ARID5B: variants seen among roughly 807,000 people sequenced by gnomAD.
ARID5B encodes AT-rich interaction domain 5B.
ARID5B carries 13 observed loss-of-function variants against 97.2 expected under a neutral mutation model. The ratio of observed to expected loss-of-function variants is 0.13; its 90% CI spans 0.09 to 0.21. ARID5B has a LOEUF of 0.21. Ranked by LOEUF, ARID5B falls within the 10% of genes least tolerant of loss-of-function variation. The pLI is 1.00. For synonymous variants in ARID5B, 556 were observed against 570.3 expected (o/e 0.97, Z 0.36); for missense variants, 1,210 against 1,465.3 (o/e 0.83, Z 2.84).
Position 61,940,172 on chromosome 10 carries a change from A to G in ARID5B, c.277-11A>G, listed in dbSNP as rs1216025412. ...TAACGTTTTTTGTTCTTCCCCAACC[A>G]CCTCTTGTAGGATGAAGTCATTGCT... On this transcript the variant is annotated splice_polypyrimidine_tract_variant and intron_variant, in intron 2 of 9. Coordinates refer to ENST00000279873, the MANE Select transcript of ARID5B (RefSeq NM_032199.3). 1 of 1,613,482 alleles carries G rather than the reference A, an allele frequency of 6.2e-7. No individual in the cohort carries two copies. The highest frequency in any genetic ancestry group is 1.1e-5 in the South Asian group (1 of 91,064).
chr10:61,979,862 T>A (rs1366360116), intron 3 of ARID5B, among the ~76,000 whole-genome samples: 2 of 152,044 alleles, frequency 1.3e-5, no homozygotes, highest in East Asian at 3.9e-4. Flanking sequence ...GAGGCCAAGG[T>A]AGGCGTATCA....
chr10:61,958,047 G>A (rs954746615), intron 3 of ARID5B, among the ~76,000 whole-genome samples: 1 of 152,098 alleles, frequency 6.6e-6, no homozygotes, highest in African/African-American at 2.4e-5. Context: ...GAGGGTTTCT[G>A]GTTTTCATGC....
chr10:61,914,838 A>G (rs925613557), intron 2 of ARID5B, among the ~76,000 whole-genome samples: 1 of 152,230 alleles, frequency 6.6e-6, no homozygotes, highest in Admixed American at 6.5e-5. Context: ...AGCTGAGGCC[A>G]ACAGAGGTTA....
chr10:61,908,168 T>A (rs187000112), intron 2 of ARID5B, among the ~76,000 whole-genome samples: 1 of 152,366 alleles, frequency 6.6e-6, no homozygotes, highest in Non-Finnish European at 1.5e-5. Flanking sequence ...GAGCGAAACT[T>A]TAGCCAATAT....
At chr10:61,965,172 G>A (rs1838526750) in intron 3 of ARID5B, among the ~76,000 whole-genome samples, 1 of 152,138 alleles carries the variant, frequency 6.6e-6, no homozygotes, top group African/African-American at 2.4e-5. Context: ...AGCTGTTACA[G>A]TCCAAAGGGG....
intron 3 of ARID5B, among the ~76,000 whole-genome samples, chr10:61,964,091 G>A (rs148354280): frequency 6.6e-6 from 1 of 152,068 alleles, no homozygotes; most frequent in Admixed American, 6.6e-5. Flanking sequence ...AGTGGGGAGA[G>A]AATCAACACA....
At chr10:61,979,409 G>A (rs73274347) in intron 3 of ARID5B, among the ~76,000 whole-genome samples, 2,446 of 151,762 alleles carry the variant, frequency 0.016, 58 homozygotes, top group African/African-American at 0.051. Context: ...CATGTAGATC[G>A]TAGGAAGGAT....
intron 3 of ARID5B, among the ~76,000 whole-genome samples, chr10:61,953,386 G>A (rs1158464242): frequency 1.3e-5 from 2 of 152,052 alleles, no homozygotes; most frequent in African/African-American, 2.4e-5. Context: ...TAACTATCAC[G>A]TGATGGCTGT....
chr10:62,066,346 G>A (rs750629702), intron 7 of ARID5B, among the ~76,000 whole-genome samples: 2 of 152,162 alleles, frequency 1.3e-5, no homozygotes, highest in Non-Finnish European at 2.9e-5. Context: ...GTGCCTAGGA[G>A]ACCTGTGTAC....
At chr10:61,904,899 T>G (rs898455850) in intron 2 of ARID5B, among the ~76,000 whole-genome samples, 1 of 152,228 alleles carries the variant, frequency 6.6e-6, no homozygotes, top group Admixed American at 6.5e-5. Context: ...GTGATGTCAT[T>G]TCCCCCCTGG....
At chr10:62,083,048 TAC>T (rs367825532) in intron 8 of ARID5B, among the ~76,000 whole-genome samples, 11 of 151,120 alleles carry the variant, frequency 7.3e-5, no homozygotes, top group Non-Finnish European at 1.3e-4. Context: ...GGTTGACCTT[TAC>T]ACACACACAC....
intron 8 of ARID5B, among the ~76,000 whole-genome samples, chr10:62,077,532 A>G (rs1033325104): frequency 7.2e-5 from 5 of 69,252 alleles, no homozygotes; most frequent in Admixed American, 5.7e-4. Context: ...ACCCCCCCCA[A>G]AAAAAAAGCT....
At chr10:62,012,165 A>G (rs567770769) in intron 4 of ARID5B, among the ~76,000 whole-genome samples, 8 of 152,130 alleles carry the variant, frequency 5.3e-5, no homozygotes, top group Non-Finnish European at 8.8e-5. Flanking sequence ...TAAGCCCTTT[A>G]TATACATTAT....
intron 2 of ARID5B, among the ~76,000 whole-genome samples, chr10:61,923,372 C>T (rs1844049967): frequency 6.6e-6 from 1 of 152,204 alleles, no homozygotes; most frequent in Non-Finnish European, 1.5e-5. Context: ...CTCTTCTCGT[C>T]CTTTTGCATC....
chr10:62,010,944 T>A (rs1023075840), intron 4 of ARID5B, among the ~76,000 whole-genome samples: 1 of 152,206 alleles, frequency 6.6e-6, no homozygotes, highest in Non-Finnish European at 1.5e-5. Context: ...GTCAGGAATA[T>A]AATATAGATC....
At chr10:61,973,722 A>G (rs1838662140) in intron 3 of ARID5B, among the ~76,000 whole-genome samples, 1 of 152,236 alleles carries the variant, frequency 6.6e-6, no homozygotes, top group African/African-American at 2.4e-5. Context: ...TTTAATGCCA[A>G]TAAAAAGCTT....
intron 4 of ARID5B, among the ~76,000 whole-genome samples, chr10:62,007,354 A>G (rs180868715): frequency 2.4e-4 from 37 of 152,308 alleles, no homozygotes; most frequent in Admixed American, 4.6e-4. Flanking sequence ...TCATTCATTC[A>G]TTCATTCATT....
chr10:61,978,625 G>A (rs542469522), intron 3 of ARID5B, among the ~76,000 whole-genome samples: 30 of 152,282 alleles, frequency 2.0e-4, no homozygotes, highest in African/African-American at 7.2e-4. Context: ...TGAAGCAATT[G>A]TGAATGGGAG....
At position 61,940,198 on chromosome 10, in the gene ARID5B, G is replaced by T; in HGVS notation, c.292G>T (p.Val98Phe). 1 of 1,614,120 alleles carries T rather than the reference G, an allele frequency of 6.2e-7. No individual in the cohort carries two copies. The highest frequency in any genetic ancestry group is 8.5e-7 in the Non-Finnish European group (1 of 1,179,978). ...SDHGEDEVIAVSEKVIVKLED... is the reference protein window; with the variant it reads ...SDHGEDEVIAFSEKVIVKLED... ...CCTCTTGTAGGATGAAGTCATTGCT[G>T]TTTCCGAAAAGGTGATTGTGAAGCT... The change falls in exon 3 of 10, where the codon GTT becomes TTT. Residue 98 changes from valine (V) to phenylalanine (F), a missense_variant. Around this residue, in one of 8 missense-constraint regions of ARID5B, gnomAD observed 80 missense variants for 133.2 expected, o/e 0.60. Transcript: ENST00000279873.
Sources: gnomAD v4.1 joint callset for allele counts (sites outside exome capture counted in the v4.1 genomes callset) on GRCh38, gnomAD v4.1.1 for gene constraint, gnomAD v4.1.1 regional missense constraint, MANE v1.5 for transcripts, NCBI Gene and HGNC (gene_info 2026-07-23, HGNC 2026-07-21) for gene names.